RAB11FIP4: variants seen among roughly 807,000 people sequenced by gnomAD.
RAB11FIP4 encodes rab11 family-interacting protein 4.
RAB11FIP4 carries 23 observed loss-of-function variants against 74.3 expected under a neutral mutation model. The ratio of observed to expected loss-of-function variants is 0.31; its 90% CI spans 0.22 to 0.44. The LOEUF is 0.44. RAB11FIP4 is among the 20% of genes least tolerant of loss of function. RAB11FIP4 has a pLI of 1.00. For synonymous variants in RAB11FIP4, 360 were observed against 359.9 expected (o/e 1.00, Z 0.00); for missense variants, 630 against 863.9 (o/e 0.73, Z 3.39).
rs144187253 is a variant in RAB11FIP4 at position 31,517,821 on chromosome 17, C to T, written c.507C>T (p.Val169=). The change falls in exon 4 of 15, where the codon GTC becomes GTT. Residue 169 remains valine (V), a synonymous_variant. Transcript: ENST00000621161. ...GCACTCAGAGCCTGGAGGGGTCTGT[C>T]GGGAGTCCTGCCGAGAAGGACGGGG... ...MESTQSLEGS[V]GSPAEKDGGL... 2,155 of 1,552,328 alleles carry T rather than the reference C, an allele frequency of 1.4e-3. 58 individuals carry two copies. The East Asian group carries it at 0.043, about 31-fold the overall frequency.
At chr17:31,427,808 G>C (rs1010698889) in intron 1 of RAB11FIP4, among the ~76,000 whole-genome samples, 1 of 152,318 alleles carries the variant, frequency 6.6e-6, no homozygotes, top group East Asian at 1.9e-4. Flanking sequence ...ATGCCAGCCA[G>C]GATGGTGGGT....
intron 3 of RAB11FIP4, chr17:31,448,310 C>T (rs540046861): frequency 5.9e-5 from 9 of 151,690 alleles, no homozygotes; most frequent in African/African-American, 9.7e-5. Flanking sequence ...ACTGCAGCCT[C>T]AACCTCCCAG....
intron 3 of RAB11FIP4, among the ~76,000 whole-genome samples, chr17:31,511,651 G>T (rs1049023690): frequency 2.6e-5 from 4 of 152,238 alleles, no homozygotes; most frequent in Non-Finnish European, 1.5e-5. Flanking sequence ...TCAGGGAAAC[G>T]CAGGGTGCTG....
intron 3 of RAB11FIP4, among the ~76,000 whole-genome samples, chr17:31,462,583 G>A (rs1031798907): frequency 3.3e-5 from 5 of 151,866 alleles, no homozygotes; most frequent in Admixed American, 1.3e-4. Context: ...GCCTCGGTCC[G>A]GACTCTTAGC....
chr17:31,480,479 C>G (rs2071835665), intron 3 of RAB11FIP4, among the ~76,000 whole-genome samples: 1 of 152,042 alleles, frequency 6.6e-6, no homozygotes, highest in South Asian at 2.1e-4. Context: ...AAAATTGGTG[C>G]CTAAATCCAT....
chr17:31,435,310 A>G (rs2071347536), intron 3 of RAB11FIP4, among the ~76,000 whole-genome samples: 1 of 151,894 alleles, frequency 6.6e-6, no homozygotes, highest in African/African-American at 2.4e-5. Flanking sequence ...CTGGTGACCA[A>G]CCCCATCCTG....
intron 1 of RAB11FIP4, among the ~76,000 whole-genome samples, chr17:31,421,013 G>A (rs1399981278): frequency 1.3e-5 from 2 of 152,184 alleles, no homozygotes; most frequent in East Asian, 3.9e-4. Context: ...GAACCCGGGA[G>A]GCAGAGGTTG....
intron 3 of RAB11FIP4, among the ~76,000 whole-genome samples, chr17:31,491,193 C>T (rs2072001126): frequency 6.6e-6 from 1 of 152,336 alleles, no homozygotes; most frequent in East Asian, 1.9e-4. Context: ...CCACAGTCTC[C>T]CTCACCAGGA....
At position 31,509,992 on chromosome 17, in the gene RAB11FIP4, G is replaced by A. The variant is rs77960057; in HGVS notation, c.337-7659G>A. On this transcript the variant is annotated intron_variant, in intron 3 of 14. Transcript: ENST00000621161. ...ATAAGTACCCAGCCTTGCATCTGCAGAGCAAGGCCTGACCCAGAGCCAGGG... is the reference window on the plus strand; with the variant it reads ...ATAAGTACCCAGCCTTGCATCTGCAAAGCAAGGCCTGACCCAGAGCCAGGG... Among the ~76,000 whole-genome samples, 8 of 152,340 alleles carry A rather than the reference G, an allele frequency of 5.3e-5. No homozygotes were observed. The East Asian group carries it at 1.5e-3, about 29-fold the overall frequency.
At chr17:31,440,858 A>G (rs1019350833) in intron 3 of RAB11FIP4, among the ~76,000 whole-genome samples, 3 of 152,158 alleles carry the variant, frequency 2.0e-5, no homozygotes, top group Admixed American at 1.3e-4. Context: ...GTCAAGCTCT[A>G]TTGCAAATCC....
At chr17:31,403,405 C>T (rs2071013326) in intron 1 of RAB11FIP4, among the ~76,000 whole-genome samples, 1 of 151,992 alleles carries the variant, frequency 6.6e-6, no homozygotes, top group African/African-American at 2.4e-5. Flanking sequence ...TCACTGCAAC[C>T]TCTGCCTCCC....
chr17:31,391,784 G>A lies in RAB11FIP4; in HGVS notation c.-69G>A. ...CGGGCGGCCCCGGAGGGCGCGCGGC[G>A]ATGGCGGCGGCGGGCAGGCGGCGGG... On this transcript the variant is annotated 5_prime_UTR_variant, in exon 1 of 15. Coordinates refer to ENST00000621161, the MANE Select transcript of RAB11FIP4 (RefSeq NM_032932.6). The A allele has an allele frequency of 2.1e-6, 2 of 969,880 alleles. No individual in the cohort carries two copies. The highest frequency in any genetic ancestry group is 2.4e-6 in the Non-Finnish European group (2 of 818,318). The allele number at this position is 969,880 out of a possible 1,614,324, so 60.1% of individuals were successfully genotyped here. A position where few individuals can be genotyped will look rare whatever the true frequency, so the allele number is the denominator to read the frequency against.
intron 3 of RAB11FIP4, among the ~76,000 whole-genome samples, chr17:31,460,035 C>T (rs1031060425): frequency 5.9e-5 from 9 of 152,178 alleles, no homozygotes; most frequent in African/African-American, 2.2e-4. Context: ...AGCCCTGCTG[C>T]CTTCCCAGAC....
Position 31,535,755 on chromosome 17 carries a change from G to A in RAB11FIP4, c.*4023G>A, listed in dbSNP as rs886850964. 6.6e-6 allele frequency: 1 copy of A among 152,312 alleles called. No individual in the cohort carries two copies. The highest frequency in any genetic ancestry group is 1.5e-5 in the Non-Finnish European group (1 of 68,126). 9.4% of individuals were successfully genotyped at this position (152,312 alleles called of 1,614,324 possible). ...GGAATCAGTGGGTGGCATGTGTTGG[G>A]ATATACTGGCTACAGGCTCATCTCA... is the stretch of plus-strand genomic sequence containing the variant. On this transcript the variant is annotated 3_prime_UTR_variant, in exon 15 of 15. Transcript: ENST00000621161.
intron 3 of RAB11FIP4, among the ~76,000 whole-genome samples, chr17:31,452,880 A>C (rs2071539060): frequency 1.3e-5 from 2 of 151,774 alleles, no homozygotes; most frequent in African/African-American, 2.4e-5. Context: ...ATTCAGGCAG[A>C]CTCCTGGGGG....
rs2072815771 is a variant in RAB11FIP4 at position 31,528,740 on chromosome 17, G to A, written c.1615G>A (p.Glu539Lys). 4 of 1,611,348 alleles carry A rather than the reference G, an allele frequency of 2.5e-6. No individual in the cohort carries two copies. Among genetic ancestry groups the A allele is most frequent in the Non-Finnish European group, 3.4e-6 (4 of 1,179,556 alleles). The change falls in exon 13 of 15, where the codon GAG becomes AAG. Residue 539 changes from glutamate to lysine, a missense_variant. Glu to Lys is a moderately conservative substitution (Grantham distance 56). Coordinates refer to ENST00000621161, the MANE Select transcript of RAB11FIP4 (RefSeq NM_032932.6). ...GLGEFNARAR[E>K]VELEHEVKRL... ...AGGCGAGTTCAATGCCAGGGCCCGC[G>A]AGGTGGAGCTCGAGCACGAGGTCAA...
chr17:31,462,888 G>A lies in RAB11FIP4; in HGVS notation c.336+28766G>A, dbSNP rs147777502. ...TGACCTCAAATGATCCGCCCGCCTC[G>A]GCCTCCCAAAGTGCTGGCATTACAG... On this transcript the variant is annotated intron_variant, in intron 3 of 14. Transcript: ENST00000621161. 3.3e-3 allele frequency among the ~76,000 whole-genome samples: 508 copies of A among 152,168 alleles called. 5 individuals carry two copies. The highest frequency in any genetic ancestry group is 0.012 in the African/African-American group (485 of 41,500).
chr17:31,499,923 C>T (rs1310515924), intron 3 of RAB11FIP4, among the ~76,000 whole-genome samples: 1 of 152,182 alleles, frequency 6.6e-6, no homozygotes, highest in Non-Finnish European at 1.5e-5. Context: ...TTGGGGCTGG[C>T]TGCTGGGTTT....
rs572154386 is a variant in RAB11FIP4, at chr17:31,427,028, G to A, written c.160-4785G>A. On this transcript the variant is annotated intron_variant, in intron 1 of 14. Transcript: ENST00000621161. ...GGCTGGAGTGCAGTGGCACAATCTC[G>A]GCTCACTGCAACCTCCACCTCCCTG... Among the ~76,000 whole-genome samples the A allele has an allele frequency of 3.3e-5, 5 of 152,016 alleles. No homozygotes were observed. In the East Asian group the frequency reaches 9.7e-4, roughly 29 times the overall value.
Sources: gnomAD v4.1 joint callset for allele counts (sites outside exome capture counted in the v4.1 genomes callset) on GRCh38, gnomAD v4.1.1 for gene constraint, MANE v1.5 for transcripts, NCBI Gene and HGNC (gene_info 2026-07-23, HGNC 2026-07-21) for gene names.